The following INTS1 variants were observed in gnomAD, a reference collection of about 807,000 sequenced individuals.
INTS1 encodes the protein integrator complex subunit 1.
Under a neutral mutation model 241.6 loss-of-function variants are expected in INTS1, and 137 were observed. The ratio of observed to expected loss-of-function variants is 0.57; its 90% CI spans 0.49 to 0.65. INTS1 has a LOEUF of 0.65. INTS1 is among the 30% of genes least tolerant of loss of function. The probability of loss-of-function intolerance (pLI) is 0.00; values close to 1 mark genes in which losing one functional copy is unlikely to be tolerated. For synonymous variants in INTS1, 1,692 were observed against 1,337.8 expected (o/e 1.26, Z -5.78); for missense variants, 3,073 against 3,032.2 (o/e 1.01, Z -0.32).
At chr7:1,491,386 C>T (rs1782540850) in intron 16 of INTS1, among the ~76,000 whole-genome samples, 1 of 152,124 alleles carries the variant, frequency 6.6e-6, no homozygotes, top group African/African-American at 2.4e-5. Context: ...AGCTGGATGG[C>T]CACACACACA....
chr7:1,487,737 G>A (rs1782342112), intron 19 of INTS1, 23 bp downstream of exon 19: 3 of 1,603,376 alleles, frequency 1.9e-6, no homozygotes, highest in Non-Finnish European at 2.5e-6. Context: ...CAGGCGCAGG[G>A]CGGGGCTGTG....
intron 44 of INTS1, 156 bp downstream of exon 44, chr7:1,472,117 G>C: frequency 1.6e-6 from 1 of 628,190 alleles, no homozygotes; most frequent in Non-Finnish European, 2.8e-6. Context: ...CCTCTCTGGG[G>C]GTGCTCCCCA....
Position 1,499,616 on chromosome 7 carries a change from G to T in INTS1, c.701C>A (p.Ser234Tyr). The part of the protein sequence containing the change: ...EIFVKVYIED[S>Y]LGERIWVDSP... ...GTCCACCCAGATCCGCTCCCCCAGGGAGTCCTCGATGTACACCTGTGTGGC... is the reference window on the plus strand; with the variant it reads ...GTCCACCCAGATCCGCTCCCCCAGGTAGTCCTCGATGTACACCTGTGTGGC... Residue 234 changes from serine to tyrosine, a missense_variant, in exon 6 of 48, where the codon TCC becomes TAC. By Grantham distance (144) the Ser-to-Tyr change is moderately radical. Transcript: ENST00000404767. 1 of 1,611,404 alleles carries T rather than the reference G, an allele frequency of 6.2e-7. No homozygotes were observed. The highest frequency in any genetic ancestry group is 8.5e-7 in the Non-Finnish European group (1 of 1,178,496).
chr7:1,498,943 G>GGCCCCCCCCCCCCCCC, intron 8 of INTS1, 32 bp downstream of exon 8: 10 of 1,070,730 alleles, frequency 9.3e-6, no homozygotes, highest in African/African-American at 2.0e-5. Context: ...CCCACCCCCT[G>GGCCCCCCCCCCCCCCC]CCCCGCCCAC....
intron 22 of INTS1, among the ~76,000 whole-genome samples, 153 bp downstream of exon 22, chr7:1,486,472 C>T (rs1782271455): frequency 6.6e-6 from 1 of 152,116 alleles, no homozygotes; most frequent in Non-Finnish European, 1.5e-5. Flanking sequence ...ACCATGTTGG[C>T]CAGGCTGGTC....
At position 1,502,806 on chromosome 7, in the gene INTS1, C is replaced by G. The variant is rs776992418; in HGVS notation, c.349+95G>C. 2.2e-6 allele frequency: 3 copies of G among 1,363,522 alleles called. No individual in the cohort carries two copies. In the Admixed American group the frequency reaches 5.9e-5, roughly 27 times the overall value. 84.5% of individuals were successfully genotyped at this position (1,363,522 alleles called of 1,614,324 possible). On this transcript the variant is annotated intron_variant, in intron 3 of 47. Coordinates refer to ENST00000404767, the MANE Select transcript of INTS1 (RefSeq NM_001080453.3). ...GCTCTCCCAAAGGACCTCGGCCATACGGGCAGCACTAGGCCTGGAGGGGGC... is the reference window on the plus strand; with the variant it reads ...GCTCTCCCAAAGGACCTCGGCCATAGGGGCAGCACTAGGCCTGGAGGGGGC...
chr7:1,482,770 T>G, intron 26 of INTS1, 63 bp from the exon 27 acceptor site: 1 of 1,576,510 alleles, frequency 6.3e-7, no homozygotes, highest in Non-Finnish European at 8.6e-7. Context: ...CAAGCACCGC[T>G]GGTGCCAAGG....
chr7:1,489,653 G>A lies in INTS1; in HGVS notation c.2195C>T (p.Thr732Ile). The A allele has an allele frequency of 6.3e-7, 1 of 1,580,756 alleles. No homozygotes were observed. Among genetic ancestry groups the A allele is most frequent in the East Asian group, 2.3e-5 (1 of 43,762 alleles). ...GYQPPNLAIS[T>I]LYWKAWPLLL... ...GAGGGGCCAGGCCTTCCAGTAGAGG[G>A]TAGAGATGGCGAGGTTCGGAGGCTG... The change falls in exon 17 of 48, where the codon ACC (threonine) becomes ATC (isoleucine). Residue 732 changes from threonine to isoleucine, a missense_variant. By Grantham distance (89) the Thr-to-Ile change is moderately conservative. Coordinates refer to ENST00000404767, the MANE Select transcript of INTS1 (RefSeq NM_001080453.3).
chr7:1,484,227 G>A lies in INTS1; in HGVS notation c.3262-57C>T, dbSNP rs534187547. On this transcript the variant is annotated intron_variant, in intron 24 of 47. Coordinates refer to ENST00000404767, the MANE Select transcript of INTS1 (RefSeq NM_001080453.3). ...CCGAGACAGCTCTGCTCTCCGGCCAGCTGGGGTGACCTCGTCGCAGGCACG... is the reference window on the plus strand; with the variant it reads ...CCGAGACAGCTCTGCTCTCCGGCCAACTGGGGTGACCTCGTCGCAGGCACG... 44 of 1,547,646 alleles carry A rather than the reference G, an allele frequency of 2.8e-5. 1 individual carries two copies. The South Asian group carries it at 4.6e-4, about 16-fold the overall frequency.
chr7:1,474,012 G>A (rs1180935736), intron 41 of INTS1, among the ~76,000 whole-genome samples, 156 bp downstream of exon 41: 1 of 152,232 alleles, frequency 6.6e-6, no homozygotes, highest in African/African-American at 2.4e-5. Context: ...GCAGGCAGGG[G>A]CTTCCCAGGG....
chr7:1,475,859 G>T, intron 39 of INTS1, 89 bp downstream of exon 39: 1 of 1,447,214 alleles, frequency 6.9e-7, no homozygotes, highest in African/African-American at 1.4e-5. Context: ...AGCCGGCGAT[G>T]GCCATGTACA....
At position 1,480,531 on chromosome 7, in the gene INTS1, G is replaced by A. The variant is rs528871731; in HGVS notation, c.3950-90C>T. 4.0e-4 allele frequency: 569 copies of A among 1,414,882 alleles called. 2 individuals are homozygous for A. Among genetic ancestry groups the A allele is most frequent in the South Asian group, 3.5e-3 (254 of 73,300 alleles). 87.6% of individuals were successfully genotyped at this position (1,414,882 alleles called of 1,614,324 possible). A position where few individuals can be genotyped will look rare whatever the true frequency, so the allele number is the denominator to read the frequency against. On this transcript the variant is annotated intron_variant, in intron 29 of 47. Transcript: ENST00000404767. ...GTACAAGCCATGGCGAGTCCTGCCC[G>A]GGGACTGTCACCCAGGAGGAAGAGC...
Position 1,499,146 on chromosome 7 carries a change from C to T in INTS1, c.966G>A (p.Ala322=), listed in dbSNP as rs375140847. The change falls in exon 8 of 48, where the codon GCG becomes GCA. Residue 322 remains alanine (A), a synonymous_variant. Transcript: ENST00000404767. ...CCAGGACATACTCCTCCACGCTCTC[C>T]GCGAGCTCTTCGTACCTAGGCCAGA... ...GQLMPRYEEL[A]ESVEEYVLDM... The T allele has an allele frequency of 3.7e-5, 59 of 1,610,156 alleles. No homozygotes were observed. The African/African-American group carries it at 3.9e-4, about 11-fold the overall frequency.
Position 1,480,361 on chromosome 7 carries a change from G to C in INTS1, c.4030C>G (p.Arg1344Gly). The part of the protein sequence containing the change: ...QGRIRVGTQL[R>G]VLGPEDDLAG... ...AGGTCGTCCTCAGGGCCCAGCACCC[G>C]GAGCTGGGTCCCCACCCGAATCCGG... The change falls in exon 30 of 48, where the codon CGG becomes GGG. Residue 1344 changes from arginine (R) to glycine (G), a missense_variant. Coordinates refer to ENST00000404767, the MANE Select transcript of INTS1 (RefSeq NM_001080453.3). 3 of 1,611,934 alleles carry C rather than the reference G, an allele frequency of 1.9e-6. No homozygotes were observed. The East Asian group carries it at 6.7e-5, about 36-fold the overall frequency.
At position 1,493,420 on chromosome 7, in the gene INTS1, G is replaced by A. The variant is rs1004283966; in HGVS notation, c.2069-314C>T. Among the ~76,000 whole-genome samples, 10 of 152,282 alleles carry A rather than the reference G, an allele frequency of 6.6e-5. 1 individual carries two copies. Among genetic ancestry groups the A allele is most frequent in the East Asian group, 3.9e-4 (2 of 5,186 alleles). On this transcript the variant is annotated intron_variant, in intron 15 of 47. Coordinates refer to ENST00000404767, the MANE Select transcript of INTS1 (RefSeq NM_001080453.3). This position sits in a 1 kb window ranked among gnomAD's most constrained non-coding sequence, Gnocchi z 5.3. ...CTCGGGGCAGAGCCACGGACGAGGC[G>A]CGAGCTGGATTTACAATCATTCTAC...
chr7:1,470,866 T>A lies in INTS1; in HGVS notation c.6437A>T (p.Glu2146Val). 1 of 1,592,762 alleles carries A rather than the reference T, an allele frequency of 6.3e-7. No homozygotes were observed. The highest frequency in any genetic ancestry group is 8.5e-7 in the Non-Finnish European group (1 of 1,170,576). ...CTCACCTTGGCACAGGAGAGCGTAC[T>A]CAGGCAGGTTCCGGAGGGCCGTCTG... The part of the protein sequence containing the change: ...VVQTALRNLP[E>V]YALLCQEHAA... The change falls in exon 47 of 48, where the codon GAG becomes GTG. Residue 2146 changes from glutamate (E) to valine (V), a missense_variant. Coordinates refer to ENST00000404767, the MANE Select transcript of INTS1 (RefSeq NM_001080453.3).
intron 34 of INTS1, 27 bp downstream of exon 34, chr7:1,477,726 C>T: frequency 2.5e-6 from 4 of 1,609,188 alleles, no homozygotes; most frequent in Non-Finnish European, 3.4e-6. Flanking sequence ...CCTGCCCACC[C>T]TGGCCGTGTG....
In INTS1 at chr7:1,478,450, C is replaced by T; in HGVS notation, c.4546G>A (p.Val1516Met). ...EALAFRQDLE[V>M]VSSTVRAVIA... ...ACGGCACGGACGGTGGAGCTGACCA[C>T]CTCCAGGTCCTGACGGAAGGCCAGG... The change falls in exon 33 of 48, where the codon GTG becomes ATG. Residue 1516 changes from valine to methionine, a missense_variant. Val to Met is a conservative substitution (Grantham distance 21). Transcript: ENST00000404767. 6.2e-7 allele frequency: 1 copy of T among 1,612,428 alleles called. No homozygotes were observed. The highest frequency in any genetic ancestry group is 1.1e-5 in the South Asian group (1 of 91,062).
rs1179301286 is a variant in INTS1, at chr7:1,499,975, G to C, written c.593C>G (p.Ala198Gly). ...CACAGACACCAGGCTGTTCCCCTTG[G>C]CCTTGAAGTTGATGGAGGCGTCCCG... ...LRRDASINFK[A>G]KGNSLVSVLA... The change falls in exon 5 of 48, where the codon GCC becomes GGC. Residue 198 changes from alanine (A) to glycine (G), a missense_variant. Transcript: ENST00000404767. 1 of 1,613,536 alleles carries C rather than the reference G, an allele frequency of 6.2e-7. No individual in the cohort carries two copies. Among genetic ancestry groups the C allele is most frequent in the African/African-American group, 1.3e-5 (1 of 74,948 alleles).
Sources: allele counts gnomAD v4.1 joint callset (sites outside exome capture counted in the v4.1 genomes callset), GRCh38; gene constraint gnomAD v4.1.1; non-coding constraint Gnocchi (gnomAD v3.1); transcripts MANE v1.5; gene names NCBI Gene and HGNC (gene_info 2026-07-23, HGNC 2026-07-21).